Variants in PIKFYVE observed in about 807,000 individuals in gnomAD.
The protein encoded by PIKFYVE is phosphoinositide kinase, FYVE-type zinc finger containing.
A neutral mutation model predicts 257.9 loss-of-function variants in PIKFYVE; 122 were observed. The observed-to-expected ratio is 0.47, with a 90% CI of 0.41 to 0.55. PIKFYVE has a LOEUF of 0.55. Ranked by LOEUF, PIKFYVE falls within the 20% of genes least tolerant of loss-of-function variation. The pLI is 0.00. For synonymous variants in PIKFYVE, 892 were observed against 868.9 expected, an observed-to-expected ratio of 1.03 and a Z score of -0.47; for missense variants, 2,160 against 2,536.6, an observed-to-expected ratio of 0.85 and a Z score of 3.19.
chr2:208,348,132 G>A (rs1699411776), intron 35 of PIKFYVE, 109 bp downstream of exon 35: 1 of 1,369,984 alleles, frequency 7.3e-7, no homozygotes, highest in African/African-American at 1.4e-5. Context: ...TGAAACTGGG[G>A]CATTCCCTCT....
chr2:208,301,168 G>A lies in PIKFYVE; in HGVS notation c.1208+74G>A, dbSNP rs966463758. The A allele has an allele frequency of 1.3e-5, 21 of 1,562,192 alleles. No individual in the cohort carries two copies. The South Asian group carries it at 2.4e-4, about 18-fold the overall frequency. Reference sequence around the variant, plus strand: ...GAAAACATATTTGAAGATAGTAAGAGTTACAGATTTCTTTGTAGAGTTAGG... The same window carrying A: ...GAAAACATATTTGAAGATAGTAAGAATTACAGATTTCTTTGTAGAGTTAGG... On this transcript the variant is annotated intron_variant, in intron 9 of 41. Transcript: ENST00000264380.
intron 31 of PIKFYVE, among the ~76,000 whole-genome samples, chr2:208,341,328 TTTTG>T (rs905550849): frequency 2.7e-4 from 41 of 152,068 alleles, no homozygotes; most frequent in African/African-American, 9.2e-4. Flanking sequence ...GTTTTTTTCT[TTTTG>T]TTTGTTTCTC....
At chr2:208,276,248 A>G (rs1303033799) in intron 3 of PIKFYVE, among the ~76,000 whole-genome samples, 1 of 152,204 alleles carries the variant, frequency 6.6e-6, no homozygotes, top group Non-Finnish European at 1.5e-5. Context: ...CTTTGGATAT[A>G]TGGTCTACAG....
chr2:208,272,557 AAT>A (rs1306710306), intron 2 of PIKFYVE, among the ~76,000 whole-genome samples: 1 of 152,208 alleles, frequency 6.6e-6, no homozygotes, highest in Non-Finnish European at 1.5e-5. Context: ...CTTTTTAAGT[AAT>A]ATGTCTTTTA....
At chr2:208,328,301 C>G (rs758849894) in intron 21 of PIKFYVE, 21 bp downstream of exon 21, 1 of 1,612,670 alleles carries the variant, frequency 6.2e-7, no homozygotes, top group South Asian at 1.1e-5. Context: ...TTTCCCCCTA[C>G]ACTATTCCAC....
intron 23 of PIKFYVE, among the ~76,000 whole-genome samples, chr2:208,332,974 C>G (rs951413565): frequency 6.6e-6 from 1 of 152,104 alleles, no homozygotes; most frequent in Admixed American, 6.6e-5. Context: ...GTGGCTCACA[C>G]CTGTAATCCC....
At chr2:208,274,798 G>C (rs1189731656) in intron 3 of PIKFYVE, among the ~76,000 whole-genome samples, 2 of 148,288 alleles carry the variant, frequency 1.3e-5, no homozygotes, top group Non-Finnish European at 3.0e-5. Context: ...ACTCTCCTTA[G>C]CTCTTGAATC....
At chr2:208,331,414 A>G (rs12617521) in intron 23 of PIKFYVE, among the ~76,000 whole-genome samples, 141,576 of 152,218 alleles carry the variant, frequency 0.93, 66,369 homozygotes, top group Non-Finnish European at 0.98. Flanking sequence ...GTCTTGCTCT[A>G]TCGCCCGGTC....
chr2:208,314,495 C>A, intron 14 of PIKFYVE, 72 bp downstream of exon 14: 3 of 1,480,108 alleles, frequency 2.0e-6, no homozygotes, highest in South Asian at 1.2e-5. Context: ...GCATATGCAT[C>A]ATTCCTCTTA....
chr2:208,321,836 C>T (rs906152587), intron 17 of PIKFYVE, among the ~76,000 whole-genome samples: 5 of 152,096 alleles, frequency 3.3e-5, no homozygotes, highest in Non-Finnish European at 5.9e-5. Context: ...CGAGGCGTCC[C>T]AAAATGCTGG....
intron 20 of PIKFYVE, 22 bp from the exon 21 acceptor site, chr2:208,328,158 C>G (rs753201503): frequency 5.0e-6 from 8 of 1,613,198 alleles, no homozygotes; most frequent in Non-Finnish European, 6.8e-6. Flanking sequence ...ACTTGCTCAT[C>G]CATTCATTCC....
At chr2:208,280,716 G>A (rs1156334178) in intron 5 of PIKFYVE, among the ~76,000 whole-genome samples, 2 of 152,132 alleles carry the variant, frequency 1.3e-5, no homozygotes, top group East Asian at 1.9e-4. Flanking sequence ...GTGAAGGATC[G>A]TATGACTCTG....
At chr2:208,349,087 C>T (rs1180544293) in intron 35 of PIKFYVE, among the ~76,000 whole-genome samples, 1 of 152,102 alleles carries the variant, frequency 6.6e-6, no homozygotes, top group Non-Finnish European at 1.5e-5. Context: ...TGCATGAACC[C>T]AGGAGGTATA....
intron 13 of PIKFYVE, 70 bp downstream of exon 13, chr2:208,312,365 A>AATGTGCTAAGC: frequency 1.6e-6 from 2 of 1,224,784 alleles, no homozygotes; most frequent in Non-Finnish European, 1.2e-6. Flanking sequence ...AGGGCTTAGC[A>AATGTGCTAAGC]CATTGATTAG....
At chr2:208,293,047 A>G (rs912406702) in intron 7 of PIKFYVE, among the ~76,000 whole-genome samples, 2 of 95,276 alleles carry the variant, frequency 2.1e-5, no homozygotes, top group African/African-American at 3.9e-5. Flanking sequence ...ATGTTATTCC[A>G]TTTTCTCTCC....
At chr2:208,345,430 C>A (rs1400663898) in intron 33 of PIKFYVE, among the ~76,000 whole-genome samples, 1 of 151,836 alleles carries the variant, frequency 6.6e-6, no homozygotes, top group African/African-American at 2.4e-5. Context: ...ATGTATATTG[C>A]AGATTTAAGG....
At chr2:208,289,390 G>C (rs529082860) in intron 7 of PIKFYVE, among the ~76,000 whole-genome samples, 4 of 151,770 alleles carry the variant, frequency 2.6e-5, no homozygotes, top group African/African-American at 9.7e-5. Context: ...TTTATATTTT[G>C]TCCCTTTGCT....
At chr2:208,330,807 A>G (rs1036638045) in intron 23 of PIKFYVE, 113 bp downstream of exon 23, 1 of 1,078,118 alleles carries the variant, frequency 9.3e-7, no homozygotes, top group South Asian at 1.5e-5. Context: ...TTTGTTATAG[A>G]GCTCTATTTG....
At chr2:208,320,547 C>A (rs987256812) in intron 17 of PIKFYVE, among the ~76,000 whole-genome samples, 188 bp downstream of exon 17, 2 of 152,122 alleles carry the variant, frequency 1.3e-5, no homozygotes, top group Non-Finnish European at 2.9e-5. Context: ...TGTGACTGTT[C>A]AAGGATATAA....
Sources: allele counts gnomAD v4.1 joint callset (sites outside exome capture counted in the v4.1 genomes callset), GRCh38; gene constraint gnomAD v4.1.1; transcripts MANE v1.5; gene names NCBI Gene and HGNC (gene_info 2026-07-23, HGNC 2026-07-21).